Variants in UACA observed in about 807,000 individuals in gnomAD.
The protein encoded by UACA is nuclear membrane binding protein.
Under a neutral mutation model 160.5 loss-of-function variants are expected in UACA, and 112 were observed. The observed-to-expected ratio is 0.70, with a 90% CI of 0.60 to 0.82. UACA has a LOEUF of 0.82. Ranked by LOEUF, UACA falls within the 40% of genes least tolerant of loss-of-function variation. UACA has a pLI of 0.00. For missense variants in UACA, 1,574 were observed against 1,614.6 expected, an observed-to-expected ratio of 0.97 and a Z score of 0.43; for synonymous variants, 557 against 568.4, an observed-to-expected ratio of 0.98 and a Z score of 0.29.
chr15:70,748,370 GAC>G (rs1243901966), intron 1 of UACA, among the ~76,000 whole-genome samples: 1 of 151,626 alleles, frequency 6.6e-6, no homozygotes, highest in Non-Finnish European at 1.5e-5. Context: ...AAACATGGGT[GAC>G]ACAGTCTTCT....
intron 1 of UACA, among the ~76,000 whole-genome samples, chr15:70,712,070 C>G (rs1283880566): frequency 8.1e-6 from 1 of 123,878 alleles, no homozygotes; most frequent in Admixed American, 7.5e-5. Context: ...ATATATATCT[C>G]CATATACCTT....
chr15:70,661,561 T>C (rs1896706946), intron 17 of UACA: 2 of 152,152 alleles, frequency 1.3e-5, no homozygotes, highest in Admixed American at 1.3e-4. Context: ...CAAAAAACCT[T>C]TCTTCTATTA....
chr15:70,777,242 G>A, the UACA span, among the ~76,000 whole-genome samples: 1 of 152,150 alleles, frequency 6.6e-6, no homozygotes, highest in Non-Finnish European at 1.5e-5. Flanking sequence ...AGGGTTGTGG[G>A]GAGGAAATAG....
intron 1 of UACA, among the ~76,000 whole-genome samples, chr15:70,741,981 C>A (rs913699745): frequency 2.0e-5 from 3 of 152,200 alleles, no homozygotes; most frequent in African/African-American, 7.2e-5. Context: ...TACAATGGAT[C>A]ATAAGTGTAG....
At chr15:70,684,921 A>G (rs1897655919) in intron 7 of UACA, among the ~76,000 whole-genome samples, 1 of 152,082 alleles carries the variant, frequency 6.6e-6, no homozygotes, top group Non-Finnish European at 1.5e-5. Flanking sequence ...CACTTCTTCA[A>G]TGTCCTACAC....
intron 17 of UACA, among the ~76,000 whole-genome samples, chr15:70,661,893 C>T (rs1896718341): frequency 6.6e-6 from 1 of 152,178 alleles, no homozygotes; most frequent in Non-Finnish European, 1.5e-5. Context: ...GACAAACCCA[C>T]AGCCAATATC....
chr15:70,669,378 A>G lies in UACA; in HGVS notation c.1306T>C (p.Tyr436His), dbSNP rs757920252. 2 of 1,613,940 alleles carry G rather than the reference A, an allele frequency of 1.2e-6. No homozygotes were observed. The highest frequency in any genetic ancestry group is 1.1e-5 in the South Asian group (1 of 91,074). ...LELSLPSQTS[Y>H]SENEILKKEL... is the part of the protein sequence containing the mutation. ...TTCTTTAAAATTTCATTTTCAGAGTATGACGTTTGACTGGGTAAAGATAGT... is the reference window on the plus strand; with the variant it reads ...TTCTTTAAAATTTCATTTTCAGAGTGTGACGTTTGACTGGGTAAAGATAGT... The change falls in exon 16 of 19, where the codon TAC (tyrosine) becomes CAC (histidine). Residue 436 changes from tyrosine to histidine, a missense_variant. Tyr to His is a moderately conservative substitution (Grantham distance 83, BLOSUM62 2). Transcript: ENST00000322954.
chr15:70,778,369 C>G, the UACA span, among the ~76,000 whole-genome samples: 42 of 152,252 alleles, frequency 2.8e-4, no homozygotes, highest in African/African-American at 9.4e-4. Flanking sequence ...ACAGTCCTCA[C>G]TGAGCTAAAA....
chr15:70,768,789 T>C, the UACA span, among the ~76,000 whole-genome samples: 2 of 152,172 alleles, frequency 1.3e-5, no homozygotes, highest in Non-Finnish European at 2.9e-5. Flanking sequence ...TCAAATAAGT[T>C]GGATAGAAAA....
At chr15:70,710,991 T>C (rs1385802180) in intron 1 of UACA, among the ~76,000 whole-genome samples, 1 of 152,164 alleles carries the variant, frequency 6.6e-6, no homozygotes, top group African/African-American at 2.4e-5. Context: ...CCTCTAATCA[T>C]GGCTTGGTCT....
At position 70,655,799 on chromosome 15, in the gene UACA, G is replaced by A. The variant is rs181191060; in HGVS notation, c.*1257C>T. 4.6e-5 allele frequency: 7 copies of A among 152,196 alleles called. No homozygotes were observed. The highest frequency in any genetic ancestry group is 4.1e-4 in the South Asian group (2 of 4,824). The allele number at this position is 152,196 out of a possible 1,614,324, so 9.4% of individuals were successfully genotyped here. On this transcript the variant is annotated 3_prime_UTR_variant, in exon 19 of 19. Coordinates refer to ENST00000322954, the MANE Select transcript of UACA (RefSeq NM_018003.4). The stretch of plus-strand genomic sequence containing the variant: ...AAAATGGGATTTAAAAATCTGGTTC[G>A]GGATGTTCAAAGATAATTGCTAAGG...
Position 70,667,188 on chromosome 15 carries a change from G to A in UACA, c.3496C>T (p.Leu1166=). ...LENQKNSSVP[L]AEHLQIKEAF... is the part of the protein sequence containing the mutation. ...TCTTTAATCTGCAAATGCTCTGCCAGGGGTACAGAAGAGTTCTTTTGATTC... is the reference window on the plus strand; with the variant it reads ...TCTTTAATCTGCAAATGCTCTGCCAAGGGTACAGAAGAGTTCTTTTGATTC... The change falls in exon 16 of 19, where the codon CTG becomes TTG. Residue 1166 remains leucine, a synonymous_variant. Coordinates refer to ENST00000322954, the MANE Select transcript of UACA (RefSeq NM_018003.4). 2 of 1,613,850 alleles carry A rather than the reference G, an allele frequency of 1.2e-6. No individual in the cohort carries two copies. Among genetic ancestry groups the A allele is most frequent in the Non-Finnish European group, 1.7e-6 (2 of 1,179,960 alleles).
Position 70,762,995 on chromosome 15 carries a change from G to A in UACA, c.78+335C>T, listed in dbSNP as rs1397076396. Among the ~76,000 whole-genome samples the A allele has an allele frequency of 4.6e-5, 7 of 150,904 alleles. No homozygotes were observed. The South Asian group carries it at 8.3e-4, about 18-fold the overall frequency. On this transcript the variant is annotated intron_variant, in intron 1 of 18. Coordinates refer to ENST00000322954, the MANE Select transcript of UACA (RefSeq NM_018003.4). The stretch of plus-strand genomic sequence containing the variant: ...CGGGAGAGGAGAGCGACGAGGGGGG[G>A]TCAACGGAAAGAGCGGAGTAGGGGT...
chr15:70,688,280 C>CT (rs1897802076), intron 5 of UACA, among the ~76,000 whole-genome samples: 1 of 152,050 alleles, frequency 6.6e-6, no homozygotes, highest in Non-Finnish European at 1.5e-5. Context: ...CAATGTCTAC[C>CT]TTTATGCAAA....
At position 70,755,129 on chromosome 15, in the gene UACA, G is replaced by A. The variant is rs75804666; in HGVS notation, c.78+8201C>T. 4.0e-3 allele frequency among the ~76,000 whole-genome samples: 609 copies of A among 152,212 alleles called. 3 individuals are homozygous for A. Among genetic ancestry groups the A allele is most frequent in the Middle Eastern group, 0.038 (11 of 292 alleles). Reference sequence around the variant, plus strand: ...GTGATGAAACAATACATGTTATAACGTTCAAATCTATTATTCTTGGATCTA... The same window carrying A: ...GTGATGAAACAATACATGTTATAACATTCAAATCTATTATTCTTGGATCTA... On this transcript the variant is annotated intron_variant, in intron 1 of 18. Coordinates refer to ENST00000322954, the MANE Select transcript of UACA (RefSeq NM_018003.4).
upstream of UACA, among the ~76,000 whole-genome samples, chr15:70,767,066 C>T (rs369725021): frequency 6.6e-6 from 1 of 151,630 alleles, no homozygotes; most frequent in African/African-American, 2.4e-5. Context: ...TGGTGAAACC[C>T]CGTCTCCACT....
rs569016890 is a variant in UACA at position 70,737,933 on chromosome 15, C to T, written c.78+25397G>A. On this transcript the variant is annotated intron_variant, in intron 1 of 18. Transcript: ENST00000322954. ...ACTCTACAATTCAATAATTTGCTTG[C>T]TTAGACTTTTCCAATAATAGAGACA... is the stretch of plus-strand genomic sequence containing the variant. Among the ~76,000 whole-genome samples the T allele has an allele frequency of 1.6e-4, 25 of 152,248 alleles. No homozygotes were observed. In the East Asian group the frequency reaches 4.4e-3, roughly 27 times the overall value.
intron 1 of UACA, among the ~76,000 whole-genome samples, chr15:70,739,943 C>A (rs1027757868): frequency 7.2e-5 from 11 of 152,132 alleles, no homozygotes; most frequent in Non-Finnish European, 1.0e-4. Context: ...TTCTTATCAT[C>A]AATAACAAAT....
intron 1 of UACA, among the ~76,000 whole-genome samples, chr15:70,712,526 G>C (rs990477880): frequency 1.3e-5 from 2 of 152,126 alleles, no homozygotes; most frequent in African/African-American, 4.8e-5. Context: ...TCCCACCTCA[G>C]TTAAAATCCT....
Sources: allele counts gnomAD v4.1 joint callset (sites outside exome capture counted in the v4.1 genomes callset), GRCh38; gene constraint gnomAD v4.1.1; transcripts MANE v1.5; gene names NCBI Gene and HGNC (gene_info 2026-07-23, HGNC 2026-07-21).